API5: variants seen among roughly 807,000 people sequenced by gnomAD.
API5 encodes the protein FIF.
Under a neutral mutation model 71.9 loss-of-function variants are expected in API5, and 6 were observed. That is an observed-to-expected ratio of 0.08 (90% CI 0.05 to 0.16). The LOEUF (loss-of-function observed/expected upper bound fraction) is 0.16, where lower values mean the gene tolerates loss of function less well. API5 is among the 10% of genes least tolerant of loss of function. The pLI is 1.00. For synonymous variants in API5, 189 were observed against 221.3 expected, an observed-to-expected ratio of 0.85 and a Z score of 1.30; for missense variants, 332 against 612.8, an observed-to-expected ratio of 0.54 and a Z score of 4.84.
intron 11 of API5, among the ~76,000 whole-genome samples, chr11:43,330,785 T>C (rs1855225211): frequency 6.6e-6 from 1 of 152,246 alleles, no homozygotes; most frequent in African/African-American, 2.4e-5. Context: ...AGTAAATCCC[T>C]GTTCTGCTTA....
intron 2 of API5, among the ~76,000 whole-genome samples, chr11:43,320,391 A>G (rs1174118937): frequency 2.0e-5 from 3 of 151,698 alleles, no homozygotes; most frequent in African/African-American, 4.8e-5. Flanking sequence ...GCTGTTTCAT[A>G]TTTTTGTGAC....
Position 43,344,482 on chromosome 11 carries a change from T to G in API5, c.*1972T>G, listed in dbSNP as rs1163362615. 6.6e-6 allele frequency: 1 copy of G among 152,648 alleles called. No homozygotes were observed. The highest frequency in any genetic ancestry group is 1.5e-5 in the Non-Finnish European group (1 of 68,036). 9.5% of individuals were successfully genotyped at this position (152,648 alleles called of 1,614,324 possible). A position where few individuals can be genotyped will look rare whatever the true frequency, so the allele number is the denominator to read the frequency against. On this transcript the variant is annotated 3_prime_UTR_variant, in exon 14 of 14. Transcript: ENST00000531273. ...ACACCTGTTTATCATCTTGTTTAAA[T>G]GTAAATGTCCCCTTATGCTTTTGAA... is the stretch of plus-strand genomic sequence containing the variant.
intron 8 of API5, 80 bp downstream of exon 8, chr11:43,327,958 G>A (rs1187219484): frequency 1.3e-5 from 11 of 855,312 alleles, no homozygotes; most frequent in Middle Eastern, 2.3e-4. Context: ...TAGATTACAA[G>A]AACCAGTTTT....
intron 13 of API5, among the ~76,000 whole-genome samples, chr11:43,338,167 G>T (rs1016071419): frequency 2.0e-5 from 3 of 152,158 alleles, no homozygotes; most frequent in Admixed American, 6.5e-5. Flanking sequence ...TTACATTTGA[G>T]AATTTAATGT....
chr11:43,318,590 T>A (rs764800884), intron 1 of API5, 50 bp from the exon 2 acceptor site: 5 of 1,599,062 alleles, frequency 3.1e-6, no homozygotes, highest in Non-Finnish European at 4.3e-6. Context: ...TTTACTTTGC[T>A]TCCCATCCTT....
At chr11:43,319,831 C>G (rs1854806270) in intron 2 of API5, among the ~76,000 whole-genome samples, 2 of 152,070 alleles carry the variant, frequency 1.3e-5, no homozygotes, top group African/African-American at 4.8e-5. Context: ...CTAAAGTAAA[C>G]AGTTACTAGG....
intron 1 of API5, among the ~76,000 whole-genome samples, chr11:43,313,881 G>C (rs1854579374): frequency 6.6e-6 from 1 of 152,080 alleles, no homozygotes; most frequent in East Asian, 1.9e-4. Context: ...TTGAGATCAG[G>C]AGTTCGAGAC....
intron 11 of API5, chr11:43,331,368 T>G (rs1855250498): frequency 6.5e-6 from 1 of 152,848 alleles, no homozygotes; most frequent in Non-Finnish European, 1.5e-5. Flanking sequence ...AAAAATCATT[T>G]TAAAAAACTG....
intron 11 of API5, among the ~76,000 whole-genome samples, chr11:43,332,936 T>C (rs1285945112): frequency 6.6e-6 from 1 of 152,198 alleles, no homozygotes; most frequent in Non-Finnish European, 1.5e-5. Context: ...CTCATTAATA[T>C]AAACTCAGGT....
intron 11 of API5, among the ~76,000 whole-genome samples, chr11:43,331,060 A>T (rs1054367288): frequency 1.3e-5 from 2 of 152,230 alleles, no homozygotes; most frequent in Admixed American, 1.3e-4. Flanking sequence ...GTTACAGCTT[A>T]ATTGTATTGT....
intron 11 of API5, among the ~76,000 whole-genome samples, chr11:43,334,409 G>A (rs1486357602): frequency 6.6e-6 from 1 of 151,966 alleles, no homozygotes; most frequent in Non-Finnish European, 1.5e-5. Flanking sequence ...GAAACCTCAA[G>A]CATTTTTTAT....
intron 1 of API5, among the ~76,000 whole-genome samples, chr11:43,316,743 C>T (rs969496508): frequency 1.1e-4 from 16 of 152,152 alleles, no homozygotes; most frequent in African/African-American, 3.6e-4. Flanking sequence ...CAGCCTTTAT[C>T]GCCTGGGCTC....
At chr11:43,340,145 A>G in intron 13 of API5, 1 of 262,872 alleles carries the variant, frequency 3.8e-6, no homozygotes, top group Non-Finnish European at 7.4e-6. Flanking sequence ...ATGCATGAAC[A>G]GTGAACTAGC....
At position 43,323,571 on chromosome 11, in the gene API5, C is replaced by G; in HGVS notation, c.685C>G (p.Pro229Ala). The change falls in exon 6 of 14, where the codon CCC (proline) becomes GCC (alanine). Residue 229 changes from proline (P) to alanine (A), a missense_variant. Around this residue, in one of 3 missense-constraint regions of API5, gnomAD observed 37 missense variants for 31.3 expected, o/e 1.18. Transcript: ENST00000531273. ...EQADLEQTFN[P>A]SDPDCVDRLL... Reference sequence around the variant, plus strand: ...GGCCGACCTAGAACAGACCTTCAATCCCTCGGATCCTGACTGTGTGGACAG... The same window carrying G: ...GGCCGACCTAGAACAGACCTTCAATGCCTCGGATCCTGACTGTGTGGACAG... The G allele has an allele frequency of 6.2e-7, 1 of 1,614,090 alleles. No homozygotes were observed. The highest frequency in any genetic ancestry group is 8.5e-7 in the Non-Finnish European group (1 of 1,179,986).
intron 13 of API5, among the ~76,000 whole-genome samples, chr11:43,337,564 G>A (rs763866905): frequency 3.9e-5 from 6 of 152,094 alleles, no homozygotes; most frequent in Admixed American, 3.3e-4. Flanking sequence ...GTATGTAAAT[G>A]TGCATCTCCT....
chr11:43,318,103 G>A (rs961863109), intron 1 of API5, among the ~76,000 whole-genome samples: 68 of 152,198 alleles, frequency 4.5e-4, no homozygotes, highest in African/African-American at 1.5e-3. Flanking sequence ...TCCGCTTCCC[G>A]GACTCAAGCA....
Position 43,343,919 on chromosome 11 carries a change from C to T in API5, c.*1409C>T, listed in dbSNP as rs542190841. 1.0e-4 allele frequency: 16 copies of T among 152,642 alleles called. No homozygotes were observed. Among genetic ancestry groups the T allele is most frequent in the South Asian group, 4.1e-4 (2 of 4,828 alleles). The allele number at this position is 152,642 out of a possible 1,614,324, so 9.5% of individuals were successfully genotyped here. A position where few individuals can be genotyped will look rare whatever the true frequency, so the allele number is the denominator to read the frequency against. Reference sequence around the variant, plus strand: ...ATGCAGGTGTCTTCATTACCATTACCTCTACACTGCAGAAGAAGCAAAACT... The same window carrying T: ...ATGCAGGTGTCTTCATTACCATTACTTCTACACTGCAGAAGAAGCAAAACT... On this transcript the variant is annotated 3_prime_UTR_variant, in exon 14 of 14. Coordinates refer to ENST00000531273, the MANE Select transcript of API5 (RefSeq NM_001142930.2).
intron 13 of API5, among the ~76,000 whole-genome samples, chr11:43,336,468 G>A (rs572368420): frequency 1.9e-4 from 29 of 152,264 alleles, no homozygotes; most frequent in Non-Finnish European, 2.2e-4. Context: ...CAGATGTTCA[G>A]GCATCATCTA....
At chr11:43,335,614 A>G (rs1056950043) in intron 12 of API5, among the ~76,000 whole-genome samples, 3 of 152,152 alleles carry the variant, frequency 2.0e-5, no homozygotes, top group Admixed American at 1.3e-4. Flanking sequence ...AAAGTGAGTC[A>G]CTTGCATGTA....
Sources: gnomAD v4.1 joint callset for allele counts (sites outside exome capture counted in the v4.1 genomes callset) on GRCh38, gnomAD v4.1.1 for gene constraint, gnomAD v4.1.1 regional missense constraint, MANE v1.5 for transcripts, NCBI Gene and HGNC (gene_info 2026-07-23, HGNC 2026-07-21) for gene names.